EFHD1: variants seen among roughly 807,000 people sequenced by gnomAD.
EFHD1 encodes EF-hand domain-containing protein D1.
A neutral mutation model predicts 17.2 loss-of-function variants in EFHD1; 10 were observed. That is an observed-to-expected ratio of 0.58 (90% CI 0.36 to 0.99). The LOEUF is 0.99. Ranked by LOEUF, EFHD1 falls within the 50% of genes least tolerant of loss-of-function variation. EFHD1 has a pLI of 0.01. For missense variants in EFHD1, 310 were observed against 327.5 expected, an observed-to-expected ratio of 0.95 and a Z score of 0.41; for synonymous variants, 153 against 142.0, an observed-to-expected ratio of 1.08 and a Z score of -0.55.
At chr2:232,642,330 C>T (rs1340792762) in intron 1 of EFHD1, among the ~76,000 whole-genome samples, 4 of 139,264 alleles carry the variant, frequency 2.9e-5, no homozygotes, top group Non-Finnish European at 6.0e-5. Context: ...GCCAAGATTG[C>T]ACCACTGCAC....
intron 2 of EFHD1, among the ~76,000 whole-genome samples, chr2:232,667,142 G>C (rs1694981335): frequency 6.6e-6 from 1 of 152,104 alleles, no homozygotes; most frequent in African/African-American, 2.4e-5. Flanking sequence ...TTTCTGTTGT[G>C]TGAGCCACCC....
At chr2:232,668,973 G>A (rs1695016644) in intron 2 of EFHD1, among the ~76,000 whole-genome samples, 2 of 152,190 alleles carry the variant, frequency 1.3e-5, no homozygotes, top group South Asian at 4.1e-4. Context: ...CTGGGTCCCA[G>A]AGAGCACTGG....
intron 1 of EFHD1, 120 bp from the exon 2 acceptor site, chr2:232,662,682 G>T: frequency 7.3e-7 from 1 of 1,361,970 alleles, no homozygotes; most frequent in Non-Finnish European, 9.7e-7. Context: ...GACCCACATT[G>T]GCCTCGCAGA....
intron 2 of EFHD1, among the ~76,000 whole-genome samples, chr2:232,670,563 C>G (rs1224484734): frequency 6.6e-6 from 1 of 151,494 alleles, no homozygotes; most frequent in African/African-American, 2.4e-5. Context: ...ACAAATGATG[C>G]AAGGATTACT....
chr2:232,644,071 CTG>C (rs1694481327), intron 1 of EFHD1, among the ~76,000 whole-genome samples: 1 of 152,136 alleles, frequency 6.6e-6, no homozygotes, highest in African/African-American at 2.4e-5. Flanking sequence ...AGTGGGCTGT[CTG>C]TGTCGACCGC....
In EFHD1 at chr2:232,633,911, T is replaced by A; in HGVS notation, c.207T>A (p.Ala69=). ...LSRRLDINEG[A]ARPRRCRVFN... is the part of the protein sequence containing the mutation. Reference sequence around the variant, plus strand: ...GGCGGCTGGACATCAACGAGGGCGCTGCGCGGCCCCGGCGCTGCAGGGTCT... The same window carrying A: ...GGCGGCTGGACATCAACGAGGGCGCAGCGCGGCCCCGGCGCTGCAGGGTCT... Residue 69 remains alanine (A), a synonymous_variant, in exon 1 of 4, where the codon GCT becomes GCA. Coordinates refer to ENST00000264059, the MANE Select transcript of EFHD1 (RefSeq NM_025202.4). 6.3e-7 allele frequency: 1 copy of A among 1,583,624 alleles called. No individual in the cohort carries two copies. Among genetic ancestry groups the A allele is most frequent in the Non-Finnish European group, 8.5e-7 (1 of 1,173,882 alleles).
At chr2:232,656,929 C>T (rs1473155236) in intron 1 of EFHD1, among the ~76,000 whole-genome samples, 1 of 152,104 alleles carries the variant, frequency 6.6e-6, no homozygotes, top group Non-Finnish European at 1.5e-5. Context: ...CAGATGTGGG[C>T]CACCACATTC....
At chr2:232,670,011 C>T (rs1285501048) in intron 2 of EFHD1, among the ~76,000 whole-genome samples, 5 of 152,086 alleles carry the variant, frequency 3.3e-5, no homozygotes, top group Non-Finnish European at 7.3e-5. Context: ...GAGCCTCTTT[C>T]GATGATAGCT....
chr2:232,625,383 T>G (rs1232452349), intron 1 of EFHD1, among the ~76,000 whole-genome samples: 1 of 151,734 alleles, frequency 6.6e-6, no homozygotes, highest in Non-Finnish European at 1.5e-5. Flanking sequence ...CAAACAATCC[T>G]CCGACATTGG....
In EFHD1 at chr2:232,671,972, G is replaced by A. The variant is rs997499899; in HGVS notation, c.451-337G>A. ...CTCGGGAGGCTGAGACATGAGAATC[G>A]CTTGAGCCCAGAGGCAGAGGTTGCA... On this transcript the variant is annotated intron_variant, in intron 2 of 3. Coordinates refer to ENST00000264059, the MANE Select transcript of EFHD1 (RefSeq NM_025202.4). Among the ~76,000 whole-genome samples, 18 of 149,200 alleles carry A rather than the reference G, an allele frequency of 1.2e-4. No homozygotes were observed. In the East Asian group the frequency reaches 2.2e-3, roughly 18 times the overall value.
chr2:232,625,361 A>G (rs1694088898), intron 1 of EFHD1, among the ~76,000 whole-genome samples: 1 of 150,556 alleles, frequency 6.6e-6, no homozygotes, highest in South Asian at 2.1e-4. Context: ...ACTGGTCTTG[A>G]ACTCCTAGGC....
chr2:232,634,294 C>G (rs1277346566), intron 1 of EFHD1, among the ~76,000 whole-genome samples: 1 of 151,440 alleles, frequency 6.6e-6, no homozygotes, highest in African/African-American at 2.4e-5. Flanking sequence ...ACTGGTCCCG[C>G]CCCCTCCGCC....
At chr2:232,616,478 T>C (rs1199834134) in intron 1 of EFHD1, among the ~76,000 whole-genome samples, 2 of 152,026 alleles carry the variant, frequency 1.3e-5, no homozygotes, top group Non-Finnish European at 2.9e-5. Context: ...TTTGTATTTT[T>C]AGTAGAGATG....
At chr2:232,662,992 G>A (rs1694904463) in intron 2 of EFHD1, 43 bp downstream of exon 2, 2 of 1,513,746 alleles carry the variant, frequency 1.3e-6, no homozygotes, top group African/African-American at 1.4e-5. Flanking sequence ...GGGTGCCCCT[G>A]AGAGGACCTT....
Position 232,650,441 on chromosome 2 carries a change from T to C in EFHD1, c.303-12361T>C, listed in dbSNP as rs1309922504. Among the ~76,000 whole-genome samples the C allele has an allele frequency of 3.3e-5, 5 of 149,892 alleles. No individual in the cohort carries two copies. The Admixed American group carries it at 3.3e-4, about 10-fold the overall frequency. The stretch of plus-strand genomic sequence containing the variant: ...TCCTGAGTAGCTGGGATTACAGGCA[T>C]GCGCCACCACACACGGCTAATTTTG... On this transcript the variant is annotated intron_variant, in intron 1 of 3. Coordinates refer to ENST00000264059, the MANE Select transcript of EFHD1 (RefSeq NM_025202.4).
chr2:232,681,405 C>T (rs1695279796), intron 3 of EFHD1, among the ~76,000 whole-genome samples, 180 bp from the exon 4 acceptor site: 1 of 152,200 alleles, frequency 6.6e-6, no homozygotes, highest in South Asian at 2.1e-4. Context: ...GTGTCTGCGC[C>T]AACAGAAAGC....
intron 1 of EFHD1, among the ~76,000 whole-genome samples, chr2:232,623,692 A>AAAAAAG (rs1553595792): frequency 2.9e-5 from 3 of 101,964 alleles, no homozygotes; most frequent in Non-Finnish European, 5.8e-5. Context: ...AAAAAAAAAA[A>AAAAAAG]AAGAAGAAGA....
intron 1 of EFHD1, among the ~76,000 whole-genome samples, chr2:232,642,638 T>C (rs1694454029): frequency 6.6e-6 from 1 of 152,158 alleles, no homozygotes; most frequent in South Asian, 2.1e-4. Context: ...GGAAAACTTA[T>C]TTTTTGTTAT....
intron 1 of EFHD1, among the ~76,000 whole-genome samples, chr2:232,635,972 T>G (rs780953932): frequency 6.6e-6 from 1 of 152,282 alleles, no homozygotes; most frequent in East Asian, 1.9e-4. Context: ...ATAATTTGGC[T>G]GAGGAAACCA....
Sources: allele counts gnomAD v4.1 joint callset (sites outside exome capture counted in the v4.1 genomes callset), GRCh38; gene constraint gnomAD v4.1.1; transcripts MANE v1.5; gene names NCBI Gene and HGNC (gene_info 2026-07-23, HGNC 2026-07-21).